ARHGEF4: variants seen among roughly 807,000 people sequenced by gnomAD.
ARHGEF4 encodes Rho guanine nucleotide exchange factor 4.
In ARHGEF4, 119 loss-of-function variants were observed where a neutral mutation model predicts 162.0. The observed-to-expected ratio is 0.73, with a 90% CI of 0.63 to 0.86. The LOEUF (loss-of-function observed/expected upper bound fraction) is 0.86, where lower values mean the gene tolerates loss of function less well. Ranked by LOEUF, ARHGEF4 falls within the 40% of genes least tolerant of loss-of-function variation. The pLI is 0.00. For missense variants in ARHGEF4, 2,488 were observed against 2,456.0 expected, an observed-to-expected ratio of 1.01 and a Z score of -0.28; for synonymous variants, 1,014 against 979.9, an observed-to-expected ratio of 1.03 and a Z score of -0.65.
At chr2:130,889,783 G>A (rs1679745633) in intron 1 of ARHGEF4, among the ~76,000 whole-genome samples, 2 of 136,894 alleles carry the variant, frequency 1.5e-5, no homozygotes, top group South Asian at 4.7e-4. Flanking sequence ...CTGCACGCCA[G>A]CCCAGGTGAC....
intron 4 of ARHGEF4, among the ~76,000 whole-genome samples, chr2:130,972,187 A>C (rs1685413436): frequency 6.6e-6 from 1 of 152,236 alleles, no homozygotes; most frequent in Non-Finnish European, 1.5e-5. Flanking sequence ...TGAAATAATT[A>C]TATTGCCGCG....
chr2:130,873,597 A>AG (rs1221527853), intron 1 of ARHGEF4, among the ~76,000 whole-genome samples: 1 of 151,972 alleles, frequency 6.6e-6, no homozygotes, highest in Non-Finnish European at 1.5e-5. Context: ...CAAAAAAAAA[A>AG]AAAAGGAAAA....
chr2:131,017,690 G>T (rs1409635220), intron 4 of ARHGEF4, among the ~76,000 whole-genome samples: 1 of 152,200 alleles, frequency 6.6e-6, no homozygotes, highest in Non-Finnish European at 1.5e-5. Context: ...GCAAGGGAAA[G>T]AGATGCCTTG....
At chr2:130,864,997 C>G (rs1452806026) in intron 1 of ARHGEF4, among the ~76,000 whole-genome samples, 13 of 152,194 alleles carry the variant, frequency 8.5e-5, no homozygotes. Flanking sequence ...CCAGTACTTC[C>G]TGAACGTTTT....
At chr2:130,970,851 C>G (rs1685315364) in intron 4 of ARHGEF4, among the ~76,000 whole-genome samples, 1 of 152,098 alleles carries the variant, frequency 6.6e-6, no homozygotes, top group Non-Finnish European at 1.5e-5. Flanking sequence ...AATATTTATT[C>G]TAGTCTGTGG....
At chr2:130,864,838 CT>C (rs1170826930) in intron 1 of ARHGEF4, among the ~76,000 whole-genome samples, 3 of 152,214 alleles carry the variant, frequency 2.0e-5, no homozygotes, top group African/African-American at 7.2e-5. Flanking sequence ...CAATTGTCTA[CT>C]TTAAGTGGGT....
Position 131,035,632 on chromosome 2 carries a change from G to C in ARHGEF4, c.4126-3221G>C, listed in dbSNP as rs537522067. ...GCGACCCGCGCTTGCATCTGTGTAG[G>C]TTGAGTCAGGTGTGTGGAAGACCCC... On this transcript the variant is annotated intron_variant, in intron 5 of 13. Coordinates refer to ENST00000409359, the MANE Select transcript of ARHGEF4 (RefSeq NM_001367493.1). 6 of 991,320 alleles carry C rather than the reference G, an allele frequency of 6.1e-6. No homozygotes were observed. In the South Asian group the frequency reaches 2.3e-4, roughly 39 times the overall value. The allele number at this position is 991,320 out of a possible 1,614,324, so 61.4% of individuals were successfully genotyped here.
intron 3 of ARHGEF4, among the ~76,000 whole-genome samples, chr2:130,938,700 A>G (rs986769444): frequency 6.6e-6 from 1 of 152,038 alleles, no homozygotes; most frequent in African/African-American, 2.4e-5. Context: ...TTGTTTTTTC[A>G]TCTTCTTACC....
intron 4 of ARHGEF4, among the ~76,000 whole-genome samples, chr2:131,007,800 C>CTTTTTTTTTTTTTT (rs70994731): frequency 7.2e-5 from 4 of 55,916 alleles, no homozygotes; most frequent in Admixed American, 2.5e-4. Flanking sequence ...CTTTTCTTTT[C>CTTTTTTTTTTTTTT]TTTTTTTTTT....
intron 4 of ARHGEF4, among the ~76,000 whole-genome samples, chr2:131,026,210 C>G (rs575264828): frequency 6.6e-6 from 1 of 152,292 alleles, no homozygotes; most frequent in African/African-American, 2.4e-5. Flanking sequence ...CAACCTCACT[C>G]TATACCACAA....
At chr2:130,934,551 G>T (rs1241307755) in intron 3 of ARHGEF4, among the ~76,000 whole-genome samples, 1 of 151,844 alleles carries the variant, frequency 6.6e-6, no homozygotes, top group Non-Finnish European at 1.5e-5. Flanking sequence ...TTCTTGTTTT[G>T]TTTTGTTTTG....
chr2:130,851,839 A>T (rs1036537310), intron 1 of ARHGEF4, among the ~76,000 whole-genome samples: 20 of 152,184 alleles, frequency 1.3e-4, no homozygotes, highest in African/African-American at 4.6e-4. Context: ...GGCCCAAATG[A>T]GACATCGTGA....
intron 1 of ARHGEF4, among the ~76,000 whole-genome samples, chr2:130,889,308 A>G (rs60843452): frequency 0.31 from 46,590 of 151,664 alleles, 9,739 homozygotes; most frequent in African/African-American, 0.57. Flanking sequence ...TGTATTTCTC[A>G]TCTGTGTTTT....
intron 4 of ARHGEF4, among the ~76,000 whole-genome samples, chr2:130,991,550 G>C (rs1686973967): frequency 6.6e-6 from 1 of 152,244 alleles, no homozygotes; most frequent in Non-Finnish European, 1.5e-5. Flanking sequence ...CAGCCGGCCG[G>C]CCCTGCCGGC....
chr2:130,964,399 G>A (rs373147549), intron 4 of ARHGEF4: 1 of 294,560 alleles, frequency 3.4e-6, no homozygotes, highest in South Asian at 1.3e-4. Flanking sequence ...CCATTGCTTC[G>A]CCCTGCTATT....
chr2:130,929,042 G>A (rs1422792228), intron 2 of ARHGEF4, among the ~76,000 whole-genome samples: 2 of 152,162 alleles, frequency 1.3e-5, no homozygotes, highest in Non-Finnish European at 2.9e-5. Context: ...ATTCCCAGGA[G>A]TATGGTCTAT....
rs950648660 is a variant in ARHGEF4 at position 130,857,360 on chromosome 2, CA to C, written c.39+20370del. Among the ~76,000 whole-genome samples, 10 of 118,822 alleles carry C rather than the reference CA, an allele frequency of 8.4e-5. No individual in the cohort carries two copies. In the East Asian group the frequency reaches 2.4e-3, roughly 28 times the overall value. The allele number at this position is 118,822 out of a possible 152,430, so 78.0% of individuals were successfully genotyped here. ...GATCTGTTTGTAACATATGGAAACA[CA>C]ATATGTGCAACATTAGTAATGCACA... On this transcript the variant is annotated intron_variant, in intron 1 of 13. Transcript: ENST00000409359.
At chr2:130,994,006 G>A (rs754026202) in intron 4 of ARHGEF4, among the ~76,000 whole-genome samples, 31 of 152,062 alleles carry the variant, frequency 2.0e-4, no homozygotes, top group South Asian at 6.2e-4. Context: ...TGTTGAACTC[G>A]TGACCTCAGG....
At chr2:130,871,266 T>C (rs1177852816) in intron 1 of ARHGEF4, among the ~76,000 whole-genome samples, 1 of 152,176 alleles carries the variant, frequency 6.6e-6, no homozygotes, top group Non-Finnish European at 1.5e-5. Flanking sequence ...CTGGGCGCAG[T>C]GGCTCACACC....
Sources: allele counts gnomAD v4.1 joint callset (sites outside exome capture counted in the v4.1 genomes callset), GRCh38; gene constraint gnomAD v4.1.1; transcripts MANE v1.5; gene names NCBI Gene and HGNC (gene_info 2026-07-23, HGNC 2026-07-21).